PTPRN2: variants seen among roughly 807,000 people sequenced by gnomAD.
The protein encoded by PTPRN2 is protein tyrosine phosphatase receptor type N2, also known as receptor-type tyrosine-protein phosphatase N2.
PTPRN2 carries 74 observed loss-of-function variants against 118.8 expected under a neutral mutation model. The ratio of observed to expected loss-of-function variants is 0.62; its 90% CI spans 0.52 to 0.76. The LOEUF is 0.76. PTPRN2 is among the 30% of genes least tolerant of loss of function. The pLI is 0.00. For synonymous variants in PTPRN2, 641 were observed against 608.0 expected (o/e 1.05, Z -0.80); for missense variants, 1,481 against 1,394.4 (o/e 1.06, Z -0.99).
chr7:158,220,319 G>A (rs377645022), intron 3 of PTPRN2, among the ~76,000 whole-genome samples: 2 of 152,224 alleles, frequency 1.3e-5, no homozygotes, highest in African/African-American at 4.8e-5. Flanking sequence ...TTCCTAGCCA[G>A]AGCAGTCAGG....
chr7:158,010,336 G>A (rs1200064204), intron 11 of PTPRN2, among the ~76,000 whole-genome samples: 1 of 152,192 alleles, frequency 6.6e-6, no homozygotes, highest in African/African-American at 2.4e-5. Flanking sequence ...CATCTAGAGA[G>A]TGAACCCACA....
At chr7:157,772,776 C>T (rs906132130) in intron 12 of PTPRN2, among the ~76,000 whole-genome samples, 2 of 152,246 alleles carry the variant, frequency 1.3e-5, no homozygotes, top group African/African-American at 4.8e-5. Context: ...CACGTAAACA[C>T]ATTGAGTCTT....
intron 9 of PTPRN2, among the ~76,000 whole-genome samples, chr7:158,131,020 ATATACACACACT>A (rs1331241385): frequency 1.3e-5 from 2 of 149,124 alleles, no homozygotes; most frequent in Non-Finnish European, 2.9e-5. Context: ...TGACATACTC[ATATACACACACT>A]TATACACACA....
chr7:157,817,036 C>T (rs561382663), intron 12 of PTPRN2, among the ~76,000 whole-genome samples: 3 of 152,286 alleles, frequency 2.0e-5, no homozygotes, highest in South Asian at 4.1e-4. Context: ...CCCCGGAGGC[C>T]GATGGGCCCT....
intron 12 of PTPRN2, among the ~76,000 whole-genome samples, chr7:157,789,471 G>C (rs542312964): frequency 6.6e-6 from 1 of 152,310 alleles, no homozygotes; most frequent in Admixed American, 6.5e-5. Context: ...CAGGAGGCTC[G>C]TGGGAGGCCT....
chr7:158,389,309 G>T (rs1041683205), intron 2 of PTPRN2, among the ~76,000 whole-genome samples: 1 of 152,250 alleles, frequency 6.6e-6, no homozygotes, highest in South Asian at 2.1e-4. Context: ...ACACGCAGCC[G>T]TGTCCATAGA....
At chr7:157,644,563 T>C (rs1804906666) in intron 14 of PTPRN2, among the ~76,000 whole-genome samples, 1 of 152,122 alleles carries the variant, frequency 6.6e-6, no homozygotes. Context: ...TTTGGGAGGC[T>C]GAGGCAGGCG....
intron 11 of PTPRN2, among the ~76,000 whole-genome samples, chr7:157,930,540 G>A (rs896797894): frequency 1.3e-5 from 2 of 152,200 alleles, no homozygotes; most frequent in Non-Finnish European, 2.9e-5. Context: ...ACACGTGACC[G>A]TCGTGAGCAC....
chr7:158,073,756 A>G (rs896545020), intron 11 of PTPRN2, among the ~76,000 whole-genome samples: 5 of 151,676 alleles, frequency 3.3e-5, no homozygotes, highest in Admixed American at 3.3e-4. Context: ...TGGAAACAGC[A>G]TTCGCTTATG....
intron 10 of PTPRN2, among the ~76,000 whole-genome samples, chr7:158,105,358 C>T (rs575788242): frequency 1.9e-4 from 29 of 151,938 alleles, no homozygotes; most frequent in Middle Eastern, 3.4e-3. Context: ...GAACTGCATC[C>T]GAGCTCCATC....
At chr7:157,772,734 G>A (rs1433484166) in intron 12 of PTPRN2, among the ~76,000 whole-genome samples, 1 of 152,258 alleles carries the variant, frequency 6.6e-6, no homozygotes, top group African/African-American at 2.4e-5. Context: ...GGGGACCCCT[G>A]TGGGGGGTGG....
chr7:158,290,530 C>G (rs1376662157), intron 3 of PTPRN2, among the ~76,000 whole-genome samples: 3 of 152,138 alleles, frequency 2.0e-5, no homozygotes, highest in Non-Finnish European at 4.4e-5. Context: ...AGCCTCCGTC[C>G]TTGGGTACCA....
At chr7:157,886,469 T>G (rs2151296175) in intron 12 of PTPRN2, among the ~76,000 whole-genome samples, 1 of 152,268 alleles carries the variant, frequency 6.6e-6, no homozygotes, top group South Asian at 2.1e-4. Context: ...GAATAAAAAT[T>G]GAATGTGTTG....
At position 158,203,017 on chromosome 7, in the gene PTPRN2, A is replaced by G. The variant is rs560698060; in HGVS notation, c.380+2154T>C. ...GGGAGGCCAAGGTGGGCGGATCATG[A>G]GGTCAGGAGTTCAAGACCAGCCTGG... On this transcript the variant is annotated intron_variant, in intron 4 of 22. Coordinates refer to ENST00000389418, the MANE Select transcript of PTPRN2 (RefSeq NM_002847.5). 2.1e-3 allele frequency among the ~76,000 whole-genome samples: 317 copies of G among 152,180 alleles called. 2 individuals carry two copies. Among genetic ancestry groups the G allele is most frequent in the Middle Eastern group, 6.8e-3 (2 of 294 alleles).
intron 11 of PTPRN2, among the ~76,000 whole-genome samples, chr7:157,923,532 C>A (rs1281781213): frequency 2.0e-5 from 3 of 152,226 alleles, no homozygotes; most frequent in African/African-American, 7.2e-5. Flanking sequence ...TGTGTCAGTT[C>A]CTTCAAAGAC....
At chr7:158,131,010 T>G (rs1163389064) in intron 9 of PTPRN2, among the ~76,000 whole-genome samples, 1 of 150,016 alleles carries the variant, frequency 6.7e-6, no homozygotes, top group African/African-American at 2.5e-5. Context: ...ACACACTACC[T>G]GACATACTCA....
rs56191082 is a variant in PTPRN2 at position 158,430,191 on chromosome 7, C to G, written c.163+59544G>C. On this transcript the variant is annotated intron_variant, in intron 2 of 22. Coordinates refer to ENST00000389418, the MANE Select transcript of PTPRN2 (RefSeq NM_002847.5). ...AAAGTGCTGAGATTACAGGTATGAG[C>G]CACCACGCCCAGCTGGGACATGAAG... 2.6e-3 allele frequency among the ~76,000 whole-genome samples: 389 copies of G among 152,288 alleles called. 3 individuals are homozygous for G. The highest frequency in any genetic ancestry group is 8.6e-3 in the African/African-American group (357 of 41,552).
chr7:157,875,838 C>G (rs1475335158), intron 12 of PTPRN2, among the ~76,000 whole-genome samples: 1 of 148,438 alleles, frequency 6.7e-6, no homozygotes, highest in South Asian at 2.2e-4. Flanking sequence ...AGCCCCCAGG[C>G]CAGGCGTCCC....
chr7:158,516,305 C>T (rs1823557044), intron 1 of PTPRN2, among the ~76,000 whole-genome samples: 1 of 152,202 alleles, frequency 6.6e-6, no homozygotes, highest in Admixed American at 6.5e-5. Context: ...CAAAGTGAGA[C>T]CCTGTTTCTA....
Sources: allele counts gnomAD v4.1 joint callset (sites outside exome capture counted in the v4.1 genomes callset), GRCh38; gene constraint gnomAD v4.1.1; transcripts MANE v1.5; gene names NCBI Gene and HGNC (gene_info 2026-07-23, HGNC 2026-07-21).